The following IL13RA2 variants were observed in gnomAD, a reference collection of about 807,000 sequenced individuals.
IL13RA2 encodes interleukin 13 receptor subunit alpha 2.
IL13RA2 carries 25 observed loss-of-function variants against 34.1 expected under a neutral mutation model. That is an observed-to-expected ratio of 0.73 (90% confidence interval 0.53 to 1.03). IL13RA2 has a LOEUF of 1.03. Ranked by LOEUF, IL13RA2 falls within the 50% of genes least tolerant of loss-of-function variation. The probability of loss-of-function intolerance (pLI) is 0.00; values close to 1 mark genes in which losing one functional copy is unlikely to be tolerated. For synonymous variants in IL13RA2, 106 were observed against 100.4 expected (o/e 1.06, Z -0.33); for missense variants, 297 against 280.9 (o/e 1.06, Z -0.41).
At chrX:115,009,773 C>T in intron 6 of IL13RA2, 107 bp from the exon 7 acceptor site, 1 of 625,600 alleles carries the variant, frequency 1.6e-6, no homozygotes, top group South Asian at 3.2e-5. Context: ...AGGGATAAAC[C>T]AAGTGGCTCA....
In IL13RA2 at chrX:115,010,828, C is replaced by G. The variant is rs1556508653; in HGVS notation, c.522G>C (p.Trp174Cys). Residue 174 changes from tryptophan to cysteine, a missense_variant and splice_region_variant, in exon 6 of 10, where the codon TGG becomes TGC. By Grantham distance (215) the Trp-to-Cys change is radical (BLOSUM62 -2). Coordinates refer to ENST00000243213, the MANE Select transcript of IL13RA2 (RefSeq NM_000640.3). ...GTAATGCATGATCCAAGCCCTCATA[C>G]CTGTAAAATGAGTGTTGTGAGAATT... ...LLDTNYNLFYWYEGLDHALQC... is the reference protein window; with the variant it reads ...LLDTNYNLFYCYEGLDHALQC... 5 of 984,319 alleles carry G rather than the reference C, an allele frequency of 5.1e-6. No individual in the cohort carries two copies. Among genetic ancestry groups the G allele is most frequent in the Non-Finnish European group, 6.8e-6 (5 of 739,767 alleles). 81.1% of individuals were successfully genotyped at this position (984,319 alleles called of 1,213,427 possible).
rs191586203 is a variant in IL13RA2 at position 115,007,176 on chromosome X, C to A, written c.997+756G>T. ...AAGGGATCAATGATACCACTGTATT[C>A]GTAGGGAGATAATAGAGATTCCACT... On this transcript the variant is annotated intron_variant, in intron 8 of 9. Transcript: ENST00000243213. 2.9e-4 allele frequency among the ~76,000 whole-genome samples: 32 copies of A among 111,409 alleles called. No individual in the cohort carries two copies. In the Middle Eastern group the frequency reaches 0.014, roughly 50 times the overall value.
chrX:115,012,827 A>G (rs782514184), intron 5 of IL13RA2, among the ~76,000 whole-genome samples: 1 of 111,569 alleles, frequency 9.0e-6, no homozygotes, highest in Non-Finnish European at 1.9e-5. Context: ...AGAAGCTGAC[A>G]TGATCAGTTA....
chrX:115,006,604 A>C (rs1556507657), intron 8 of IL13RA2, among the ~76,000 whole-genome samples: 3 of 110,824 alleles, frequency 2.7e-5, no homozygotes, highest in Non-Finnish European at 5.7e-5. Flanking sequence ...AATCGCTTGA[A>C]CCCAAGAGGC....
At chrX:115,015,281 G>A (rs191438156) in intron 3 of IL13RA2, among the ~76,000 whole-genome samples, 9 of 111,399 alleles carry the variant, frequency 8.1e-5, no homozygotes, top group African/African-American at 1.6e-4. Context: ...TGTGGGAAGG[G>A]TACAAAGATA....
chrX:115,013,479 G>C (rs1436312883), intron 5 of IL13RA2, among the ~76,000 whole-genome samples: 1 of 111,343 alleles, frequency 9.0e-6, no homozygotes, highest in Non-Finnish European at 1.9e-5. Context: ...TATAAAATAT[G>C]TCAAAATTGT....
rs968763798 is a variant in IL13RA2, at chrX:115,013,646, A to T, written c.521+123T>A. Reference sequence around the variant, plus strand: ...CCTCAAATAATTGTAAACAATTATCATCATAAATACAACTCTGACAAGTAT... The same window carrying T: ...CCTCAAATAATTGTAAACAATTATCTTCATAAATACAACTCTGACAAGTAT... On this transcript the variant is annotated intron_variant, in intron 5 of 9. Transcript: ENST00000243213. The T allele has an allele frequency of 2.4e-5, 11 of 457,323 alleles. No homozygotes were observed. The African/African-American group carries it at 2.5e-4, about 10-fold the overall frequency. 37.7% of individuals were successfully genotyped at this position (457,323 alleles called of 1,213,427 possible).
intron 8 of IL13RA2, among the ~76,000 whole-genome samples, chrX:115,006,403 C>T (rs1216382319): frequency 8.9e-6 from 1 of 112,208 alleles, no homozygotes; most frequent in Non-Finnish European, 1.9e-5. Context: ...ATGAAGAGGG[C>T]TGGGCACAGT....
chrX:115,010,081 C>T (rs1289679534), intron 6 of IL13RA2, among the ~76,000 whole-genome samples: 1 of 111,491 alleles, frequency 9.0e-6, no homozygotes, highest in Non-Finnish European at 1.9e-5. Flanking sequence ...ATCTCATTCA[C>T]GCCTCACAAT....
At chrX:115,011,469 A>T (rs1313008954) in intron 5 of IL13RA2, among the ~76,000 whole-genome samples, 5 of 112,063 alleles carry the variant, frequency 4.5e-5, no homozygotes, top group African/African-American at 1.3e-4. Flanking sequence ...GCTAAAAGGA[A>T]CTAGGAGTGA....
chrX:115,011,858 T>C (rs1331972587), intron 5 of IL13RA2, among the ~76,000 whole-genome samples: 2 of 112,266 alleles, frequency 1.8e-5, no homozygotes, highest in African/African-American at 3.2e-5. Context: ...ATATCAAATA[T>C]GAACCACAAT....
chrX:115,017,601 A>G lies in IL13RA2; in HGVS notation c.-82T>C, dbSNP rs2071733613. Reference sequence around the variant, plus strand: ...TGACCAGGTTATGGCGACTTCAAATAGCCTTCATCCGGAAGACCGTTAGAC... The same window carrying G: ...TGACCAGGTTATGGCGACTTCAAATGGCCTTCATCCGGAAGACCGTTAGAC... On this transcript the variant is annotated 5_prime_UTR_variant, in exon 1 of 10. Coordinates refer to ENST00000243213, the MANE Select transcript of IL13RA2 (RefSeq NM_000640.3). 1 of 188,139 alleles carries G rather than the reference A, an allele frequency of 5.3e-6. No individual in the cohort carries two copies. 15.5% of individuals were successfully genotyped at this position (188,139 alleles called of 1,213,427 possible).
intron 7 of IL13RA2, 105 bp downstream of exon 7, chrX:115,009,416 A>G: frequency 1.7e-6 from 1 of 592,919 alleles, no homozygotes; most frequent in Admixed American, 2.7e-5. Context: ...GATATATGTC[A>G]TGTTCTGTCC....
rs2071675712 is a variant in IL13RA2, at chrX:115,004,121, G to T, written c.1117-15C>A. 2.1e-6 allele frequency: 2 copies of T among 934,828 alleles called. No homozygotes were observed. Among genetic ancestry groups the T allele is most frequent in the East Asian group, 6.2e-5 (2 of 32,187 alleles). The allele number at this position is 934,828 out of a possible 1,213,427, so 77.0% of individuals were successfully genotyped here. On this transcript the variant is annotated splice_polypyrimidine_tract_variant and intron_variant, in intron 9 of 9. Coordinates refer to ENST00000243213, the MANE Select transcript of IL13RA2 (RefSeq NM_000640.3). ...AATTCTGGAATCTAGAAAGAACTCTGTTATTAACAAGTCATCTCTAATAAC... is the reference window on the plus strand; with the variant it reads ...AATTCTGGAATCTAGAAAGAACTCTTTTATTAACAAGTCATCTCTAATAAC...
intron 6 of IL13RA2, among the ~76,000 whole-genome samples, chrX:115,009,942 C>T (rs1432140322): frequency 4.5e-5 from 5 of 112,131 alleles, no homozygotes; most frequent in African/African-American, 1.6e-4. Flanking sequence ...ATCATTACAA[C>T]AATTTTCCAT....
intron 8 of IL13RA2, among the ~76,000 whole-genome samples, chrX:115,006,002 T>C (rs1364989625): frequency 8.9e-6 from 1 of 111,986 alleles, no homozygotes; most frequent in African/African-American, 3.2e-5. Flanking sequence ...ATATAAAAGA[T>C]CTTGAATCTT....
At chrX:115,016,740 A>T (rs181918931) in intron 2 of IL13RA2, among the ~76,000 whole-genome samples, 5,210 of 106,892 alleles carry the variant, frequency 0.049, 353 homozygotes, top group African/African-American at 0.17. Flanking sequence ...TAATTGAAAA[A>T]TTAAATAATT....
At chrX:115,009,873 T>A (rs1207152936) in intron 6 of IL13RA2, among the ~76,000 whole-genome samples, 1 of 111,896 alleles carries the variant, frequency 8.9e-6, no homozygotes, top group Non-Finnish European at 1.9e-5. Context: ...GGAAACTCAT[T>A]TTTGACAAGT....
chrX:115,004,261 C>T (rs1435904262), intron 9 of IL13RA2, among the ~76,000 whole-genome samples, 155 bp from the exon 10 acceptor site: 1 of 109,737 alleles, frequency 9.1e-6, no homozygotes, highest in East Asian at 2.9e-4. Context: ...AAAGATATGG[C>T]ATTGAGATAT....
Sources: allele counts gnomAD v4.1 joint callset (sites outside exome capture counted in the v4.1 genomes callset), GRCh38; gene constraint gnomAD v4.1.1; transcripts MANE v1.5; gene names NCBI Gene and HGNC (gene_info 2026-07-23, HGNC 2026-07-21).